Variants in ADAMTS17 observed in about 807,000 individuals in gnomAD.
ADAMTS17 encodes A disintegrin and metalloproteinase with thrombospondin motifs 17.
ADAMTS17 carries 113 observed loss-of-function variants against 141.5 expected under a neutral mutation model. That is an observed-to-expected ratio of 0.80 (90% confidence interval 0.69 to 0.93). The LOEUF (loss-of-function observed/expected upper bound fraction) is 0.93, where lower values mean the gene tolerates loss of function less well. ADAMTS17 is among the 40% of genes least tolerant of loss of function. ADAMTS17 has a pLI of 0.00. For missense variants in ADAMTS17, 1,659 were observed against 1,517.9 expected (o/e 1.09, Z -1.54); for synonymous variants, 768 against 630.6 (o/e 1.22, Z -3.27).
At chr15:100,165,665 T>C (rs945630490) in intron 8 of ADAMTS17, among the ~76,000 whole-genome samples, 1 of 152,198 alleles carries the variant, frequency 6.6e-6, no homozygotes, top group Non-Finnish European at 1.5e-5. Context: ...GAGAAACCAT[T>C]CTACTGTGAG....
intron 10 of ADAMTS17, among the ~76,000 whole-genome samples, chr15:100,133,612 G>A (rs2038172329): frequency 1.3e-5 from 2 of 152,124 alleles, no homozygotes; most frequent in Non-Finnish European, 2.9e-5. Flanking sequence ...CCCTGGCCAG[G>A]AGCAGCAGCC....
At chr15:100,312,278 T>C (rs1596498436) in intron 3 of ADAMTS17, among the ~76,000 whole-genome samples, 2 of 151,948 alleles carry the variant, frequency 1.3e-5, no homozygotes, top group Admixed American at 6.6e-5. Context: ...ATTGTCAGAG[T>C]GACGCAGTGT....
At chr15:100,101,267 C>A (rs1002183631) in intron 14 of ADAMTS17, among the ~76,000 whole-genome samples, 1 of 116,486 alleles carries the variant, frequency 8.6e-6, no homozygotes, top group Non-Finnish European at 1.6e-5. Flanking sequence ...CTCTCTATGG[C>A]ACCATTTTCT....
chr15:100,255,374 T>G (rs1567437462), intron 6 of ADAMTS17, among the ~76,000 whole-genome samples: 1 of 151,988 alleles, frequency 6.6e-6, no homozygotes, highest in East Asian at 1.9e-4. Context: ...TTTCATAACC[T>G]CACTCCAAAA....
intron 6 of ADAMTS17, among the ~76,000 whole-genome samples, chr15:100,258,653 C>T (rs916608063): frequency 1.5e-4 from 14 of 93,498 alleles, no homozygotes; most frequent in South Asian, 4.5e-4. Context: ...CCTGCCCCCA[C>T]GATTCTATTG....
chr15:100,139,913 A>G (rs1442466531), intron 10 of ADAMTS17, among the ~76,000 whole-genome samples: 1 of 152,150 alleles, frequency 6.6e-6, no homozygotes, highest in Non-Finnish European at 1.5e-5. Flanking sequence ...ATCTAAATGT[A>G]TTTTACCTAA....
At chr15:100,096,498 T>C (rs755780795) in intron 14 of ADAMTS17, 22 bp from the exon 15 acceptor site, 4 of 1,613,980 alleles carry the variant, frequency 2.5e-6, no homozygotes, top group Middle Eastern at 1.7e-4. Flanking sequence ...GAGGGCCTCA[T>C]TATTCTGTGG....
At chr15:100,064,852 T>A (rs949820949) in intron 15 of ADAMTS17, among the ~76,000 whole-genome samples, 1 of 152,202 alleles carries the variant, frequency 6.6e-6, no homozygotes, top group African/African-American at 2.4e-5. Context: ...ATAATTTTGG[T>A]TTGATTTTTA....
chr15:100,041,712 T>G (rs1399206995), intron 18 of ADAMTS17, among the ~76,000 whole-genome samples: 1 of 152,140 alleles, frequency 6.6e-6, no homozygotes, highest in Non-Finnish European at 1.5e-5. Flanking sequence ...GCCATGCGTG[T>G]CAGACTCCAG....
chr15:100,291,676 T>A (rs1236061532), intron 3 of ADAMTS17, among the ~76,000 whole-genome samples: 1 of 152,114 alleles, frequency 6.6e-6, no homozygotes, highest in Non-Finnish European at 1.5e-5. Flanking sequence ...AAGAATGAGA[T>A]CATGTCCTCT....
intron 14 of ADAMTS17, 140 bp from the exon 15 acceptor site, chr15:100,096,616 A>G (rs768896443): frequency 4.6e-5 from 49 of 1,076,756 alleles, no homozygotes; most frequent in African/African-American, 7.9e-5. Context: ...GCCCAAGAAA[A>G]TATTTTAATT....
intron 8 of ADAMTS17, among the ~76,000 whole-genome samples, chr15:100,192,317 GC>G (rs1034959967): frequency 2.0e-5 from 3 of 152,234 alleles, no homozygotes; most frequent in African/African-American, 7.2e-5. Flanking sequence ...TGGGGATGAG[GC>G]CCAGGCAGGA....
At position 100,341,266 on chromosome 15, in the gene ADAMTS17, G is replaced by C. The variant is rs937324829; in HGVS notation, c.223C>G (p.Arg75Gly). 67 of 1,262,230 alleles carry C rather than the reference G, an allele frequency of 5.3e-5. 1 individual carries two copies. The highest frequency in any genetic ancestry group is 3.1e-4 in the Middle Eastern group (1 of 3,250). 78.2% of individuals were successfully genotyped at this position (1,262,230 alleles called of 1,614,324 possible). A position where few individuals can be genotyped will look rare whatever the true frequency, so the allele number is the denominator to read the frequency against. ...PRTPPAAPRARPGERALLLHL... is the reference protein window; with the variant it reads ...PRTPPAAPRAGPGERALLLHL... ...AGCAGCAGGGCGCGCTCTCCGGGCC[G>C]GGCGCGCGGGGCGGCTGGGGGCGTG... The change falls in exon 2 of 22, where the codon CGG becomes GGG. Residue 75 changes from arginine (R) to glycine (G), a missense_variant. Arg to Gly is a moderately radical substitution (Grantham distance 125, BLOSUM62 -2). Transcript: ENST00000268070.
intron 18 of ADAMTS17, among the ~76,000 whole-genome samples, chr15:100,006,755 A>G (rs2061043630): frequency 6.6e-6 from 1 of 152,218 alleles, no homozygotes; most frequent in Non-Finnish European, 1.5e-5. Flanking sequence ...TGTTCCCCAC[A>G]TTCACTCAGT....
chr15:100,289,581 C>G (rs2044563704), intron 3 of ADAMTS17, among the ~76,000 whole-genome samples: 1 of 151,708 alleles, frequency 6.6e-6, no homozygotes, highest in Admixed American at 6.6e-5. Flanking sequence ...CTCTTAAGGC[C>G]AATGTCCTTG....
intron 2 of ADAMTS17, among the ~76,000 whole-genome samples, chr15:100,337,604 G>A (rs1185507489): frequency 6.6e-6 from 1 of 152,238 alleles, no homozygotes; most frequent in Non-Finnish European, 1.5e-5. Flanking sequence ...GTGTGCCCCT[G>A]GCAGGCCACA....
chr15:100,206,920 C>A (rs866462053), intron 7 of ADAMTS17, among the ~76,000 whole-genome samples: 1 of 152,160 alleles, frequency 6.6e-6, no homozygotes, highest in Non-Finnish European at 1.5e-5. Context: ...GGCAGGGCCA[C>A]GAGCGGAGGC....
chr15:100,242,320 G>A (rs2141902163), intron 7 of ADAMTS17, among the ~76,000 whole-genome samples: 1 of 152,324 alleles, frequency 6.6e-6, no homozygotes, highest in African/African-American at 2.4e-5. Flanking sequence ...TTTAATGCCA[G>A]ATGCAAATGA....
chr15:100,159,831 A>G (rs1252045580), intron 8 of ADAMTS17, among the ~76,000 whole-genome samples: 5 of 152,238 alleles, frequency 3.3e-5, no homozygotes, highest in African/African-American at 7.2e-5. Flanking sequence ...AGGCAAATGC[A>G]AGGCCTTCAT....
Sources: allele counts gnomAD v4.1 joint callset (sites outside exome capture counted in the v4.1 genomes callset), GRCh38; gene constraint gnomAD v4.1.1; transcripts MANE v1.5; gene names NCBI Gene and HGNC (gene_info 2026-07-23, HGNC 2026-07-21).